The following PPARGC1A variants were observed in gnomAD, a reference collection of about 807,000 sequenced individuals.
PPARGC1A encodes peroxisome proliferator-activated receptor gamma coactivator 1-alpha.
In PPARGC1A, 25 loss-of-function variants were observed where a neutral mutation model predicts 88.7. That is an observed-to-expected ratio of 0.28 (90% CI 0.21 to 0.39). PPARGC1A has a LOEUF of 0.39. Ranked by LOEUF, PPARGC1A falls within the 10% of genes least tolerant of loss-of-function variation. PPARGC1A has a pLI of 1.00. For synonymous variants in PPARGC1A, 363 were observed against 355.6 expected (o/e 1.02, Z -0.24); for missense variants, 880 against 968.7 (o/e 0.91, Z 1.22).
the PPARGC1A span, among the ~76,000 whole-genome samples, chr4:24,129,185 G>A: frequency 4.6e-5 from 7 of 152,158 alleles, no homozygotes; most frequent in African/African-American, 1.7e-4. Context: ...TGGTAATGGG[G>A]GGAAAGAGTG....
the PPARGC1A span, among the ~76,000 whole-genome samples, chr4:23,921,319 G>A: frequency 3.3e-5 from 5 of 152,150 alleles, no homozygotes; most frequent in Non-Finnish European, 5.9e-5. Context: ...TAAAAGAATT[G>A]AATTGAATGT....
At chr4:24,079,238 TC>T in the PPARGC1A span, among the ~76,000 whole-genome samples, 1 of 152,070 alleles carries the variant, frequency 6.6e-6, no homozygotes, top group East Asian at 1.9e-4. Context: ...CAGTAATAAA[TC>T]AGCACTCTTC....
the PPARGC1A span, among the ~76,000 whole-genome samples, chr4:24,441,090 G>T: frequency 6.6e-6 from 1 of 152,078 alleles, no homozygotes; most frequent in African/African-American, 2.4e-5. Context: ...AAAAACTCTT[G>T]TTTCTTAAAA....
chr4:23,810,150 C>T (rs1362313633), intron 10 of PPARGC1A, among the ~76,000 whole-genome samples: 3 of 152,208 alleles, frequency 2.0e-5, no homozygotes, highest in African/African-American at 7.2e-5. Context: ...ATTGGTTAAA[C>T]AGTAAGTCCC....
upstream of PPARGC1A, among the ~76,000 whole-genome samples, chr4:23,899,756 A>G (rs1484902762): frequency 6.6e-6 from 1 of 152,168 alleles, no homozygotes. Context: ...AGAGGTTGCC[A>G]TGGGTGGTGG....
the PPARGC1A span, among the ~76,000 whole-genome samples, chr4:23,976,718 G>T: frequency 6.6e-6 from 1 of 152,270 alleles, no homozygotes; most frequent in East Asian, 1.9e-4. Context: ...CAGAGAAAAG[G>T]CCATGTAAGG....
chr4:23,936,282 C>T, the PPARGC1A span, among the ~76,000 whole-genome samples: 2 of 152,172 alleles, frequency 1.3e-5, no homozygotes, highest in Non-Finnish European at 2.9e-5. Flanking sequence ...TTCAGCTCTA[C>T]TTTGCACAGA....
At chr4:24,423,383 C>T in the PPARGC1A span, among the ~76,000 whole-genome samples, 1 of 152,154 alleles carries the variant, frequency 6.6e-6, no homozygotes, top group African/African-American at 2.4e-5. Flanking sequence ...TAAAGTCATT[C>T]CAAATTAGAT....
At chr4:24,257,078 T>C in the PPARGC1A span, among the ~76,000 whole-genome samples, 2 of 152,240 alleles carry the variant, frequency 1.3e-5, no homozygotes, top group East Asian at 1.9e-4. Flanking sequence ...TAGGGATGAA[T>C]AGGACAAGTA....
chr4:23,977,529 T>C, the PPARGC1A span, among the ~76,000 whole-genome samples: 1 of 152,120 alleles, frequency 6.6e-6, no homozygotes, highest in Non-Finnish European at 1.5e-5. Flanking sequence ...GAAAAATTTG[T>C]GTCTAATAAA....
chr4:24,453,396 A>G, the PPARGC1A span, among the ~76,000 whole-genome samples: 1 of 152,378 alleles, frequency 6.6e-6, no homozygotes, highest in East Asian at 1.9e-4. Flanking sequence ...TAAAGGCTTC[A>G]TCAACCTGAC....
chr4:24,181,518 A>G, the PPARGC1A span, among the ~76,000 whole-genome samples: 1 of 152,162 alleles, frequency 6.6e-6, no homozygotes, highest in Non-Finnish European at 1.5e-5. Context: ...TAATTATGAT[A>G]ATTTTTTGAT....
chr4:24,408,508 G>T, the PPARGC1A span, among the ~76,000 whole-genome samples: 1 of 152,184 alleles, frequency 6.6e-6, no homozygotes, highest in Non-Finnish European at 1.5e-5. Flanking sequence ...ATCTGAGGTG[G>T]CCTTAGTGAC....
At chr4:24,459,157 A>T in the PPARGC1A span, among the ~76,000 whole-genome samples, 984 of 152,292 alleles carry the variant, frequency 6.5e-3, 10 homozygotes, top group African/African-American at 0.022. Flanking sequence ...TTTAATTAAA[A>T]GGTAAAATAT....
At chr4:23,969,088 G>A in the PPARGC1A span, among the ~76,000 whole-genome samples, 3 of 152,122 alleles carry the variant, frequency 2.0e-5, no homozygotes, top group African/African-American at 7.2e-5. Flanking sequence ...CCTGACGAGA[G>A]CTCTGTGCCT....
intron 10 of PPARGC1A, among the ~76,000 whole-genome samples, chr4:23,806,944 T>G (rs1397602463): frequency 6.6e-6 from 1 of 152,208 alleles, no homozygotes; most frequent in Non-Finnish European, 1.5e-5. Context: ...TAATGGGTGA[T>G]CTCTCTAAAA....
rs186397956 is a variant in PPARGC1A, at chr4:23,814,677, C to T, written c.878-72G>A. 308 of 1,296,646 alleles carry T rather than the reference C, an allele frequency of 2.4e-4. 1 individual carries two copies. The East Asian group carries it at 4.4e-3, about 19-fold the overall frequency. 80.3% of individuals were successfully genotyped at this position (1,296,646 alleles called of 1,614,324 possible). A position where few individuals can be genotyped will look rare whatever the true frequency, so the allele number is the denominator to read the frequency against. On this transcript the variant is annotated intron_variant, in intron 7 of 12. Coordinates refer to ENST00000264867, the MANE Select transcript of PPARGC1A (RefSeq NM_013261.5). ...GAGACAGAGATAATGTTCTTAAATGCGAAGACACATGTTTCTAATTTTTCC... is the reference window on the plus strand; with the variant it reads ...GAGACAGAGATAATGTTCTTAAATGTGAAGACACATGTTTCTAATTTTTCC...
the PPARGC1A span, among the ~76,000 whole-genome samples, chr4:24,340,808 T>C: frequency 6.6e-6 from 1 of 152,112 alleles, no homozygotes; most frequent in South Asian, 2.1e-4. Context: ...CTCCAAGCTA[T>C]GATCTGCTGT....
the PPARGC1A span, among the ~76,000 whole-genome samples, chr4:24,116,984 A>G: frequency 6.6e-6 from 1 of 152,180 alleles, no homozygotes; most frequent in African/African-American, 2.4e-5. Context: ...GTTTAAAAAC[A>G]AAAAACAACA....
Sources: allele counts gnomAD v4.1 joint callset (sites outside exome capture counted in the v4.1 genomes callset), GRCh38; gene constraint gnomAD v4.1.1; transcripts MANE v1.5; gene names NCBI Gene and HGNC (gene_info 2026-07-23, HGNC 2026-07-21).